The following SLC35G5 variants were observed in gnomAD, a reference collection of about 807,000 sequenced individuals.
The protein encoded by SLC35G5 is solute carrier family 35 member G5.
SLC35G5 carries 14 observed loss-of-function variants against 17.6 expected under a neutral mutation model. The ratio of observed to expected loss-of-function variants is 0.79; its 90% confidence interval spans 0.52 to 1.24. SLC35G5 has a LOEUF of 1.24. Ranked by LOEUF, SLC35G5 falls within the 50% of genes most tolerant of loss-of-function variation. SLC35G5 has a pLI of 0.00. For missense variants in SLC35G5, 541 were observed against 430.3 expected (o/e 1.26, Z -2.28); for synonymous variants, 236 against 194.9 (o/e 1.21, Z -1.76).
In SLC35G5 at chr8:11,331,782, T is replaced by C. The variant is rs1240861057; in HGVS notation, c.676T>C (p.Ser226Pro). The change falls in exon 1 of 1, where the codon TCT becomes CCT. Residue 226 changes from serine (S) to proline (P), a missense_variant. By Grantham distance (74) the Ser-to-Pro change is moderately conservative (BLOSUM62 -1). Transcript: ENST00000382435. ...CTGCCTCCCAACAGTGGCCTTCCTA[T>C]CTGGCTTGGTGGGGCTGCTGGGCTG... ...PSCLPTVAFLSGLVGLLGCVP... is the reference protein window; with the variant it reads ...PSCLPTVAFLPGLVGLLGCVP... The C allele has an allele frequency of 6.2e-7, 1 of 1,611,550 alleles. No homozygotes were observed. Among genetic ancestry groups the C allele is most frequent in the Non-Finnish European group, 8.5e-7 (1 of 1,179,696 alleles).
rs1291055276 is a variant in SLC35G5 at position 11,331,579 on chromosome 8, A to G, written c.473A>G (p.Glu158Gly). The change falls in exon 1 of 1, where the codon GAG becomes GGG. Residue 158 changes from glutamate to glycine, a missense_variant. Physicochemically the swap from Glu to Gly is moderately conservative, Grantham distance 98 (BLOSUM62 -2). Transcript: ENST00000382435. ...CLESQGLGGY[E>G]WCGLLGSILG... ...GAGAGCCAGGGTCTCGGTGGCTACG[A>G]GTGGTGTGGACTGTTGGGCAGCATC... The G allele has an allele frequency of 1.2e-6, 2 of 1,606,328 alleles. No individual in the cohort carries two copies. The highest frequency in any genetic ancestry group is 1.4e-5 in the African/African-American group (1 of 72,176).
rs762287050 is a variant in SLC35G5, at chr8:11,331,573, G to C, written c.467G>C (p.Gly156Ala). The change falls in exon 1 of 1, where the codon GGC becomes GCC. Residue 156 changes from glycine to alanine, a missense_variant. Coordinates refer to ENST00000382435, the MANE Select transcript of SLC35G5 (RefSeq NM_054028.2). Reference protein sequence around the residue: ...TLCLESQGLGGYEWCGLLGSI... With the variant: ...TLCLESQGLGAYEWCGLLGSI... ...TGCCTTGAGAGCCAGGGTCTCGGTGGCTACGAGTGGTGTGGACTGTTGGGC... is the reference window on the plus strand; with the variant it reads ...TGCCTTGAGAGCCAGGGTCTCGGTGCCTACGAGTGGTGTGGACTGTTGGGC... 12 of 1,613,764 alleles carry C rather than the reference G, an allele frequency of 7.4e-6. No individual in the cohort carries two copies. The highest frequency in any genetic ancestry group is 1.0e-5 in the Non-Finnish European group (12 of 1,179,818).
rs750787103 is a variant in SLC35G5 at position 11,331,097 on chromosome 8, C to G, written c.-10C>G. The stretch of plus-strand genomic sequence containing the variant: ...CTGAGCCAGGAGGAGAGGAGAAAGT[C>G]CAAGGAAAGATGGCTGGCAGTCACC... On this transcript the variant is annotated 5_prime_UTR_variant, in exon 1 of 1. Coordinates refer to ENST00000382435, the MANE Select transcript of SLC35G5 (RefSeq NM_054028.2). 6.3e-6 allele frequency: 10 copies of G among 1,583,048 alleles called. No homozygotes were observed. The highest frequency in any genetic ancestry group is 1.8e-4 in the Middle Eastern group (1 of 5,676).
rs540056808 is a variant in SLC35G5, at chr8:11,332,083, G to C, written c.977G>C (p.Arg326Pro). The C allele has an allele frequency of 2.5e-6, 4 of 1,611,732 alleles. No individual in the cohort carries two copies. Among genetic ancestry groups the C allele is most frequent in the Non-Finnish European group, 3.4e-6 (4 of 1,179,824 alleles). Residue 326 changes from arginine (R) to proline (P), a missense_variant, in exon 1 of 1, where the codon CGG (arginine) becomes CCG (proline). Transcript: ENST00000382435. ...VLGSIAIITA[R>P]NLSCERTGKV... ...GGCAGCATTGCCATCATTACAGCCC[G>C]GAACCTCAGCTGTGAGAGGACAGGG...
Position 11,332,057 on chromosome 8 carries a change from G to C in SLC35G5, c.951G>C (p.Leu317=). 4 of 1,611,968 alleles carry C rather than the reference G, an allele frequency of 2.5e-6. No individual in the cohort carries two copies. The highest frequency in any genetic ancestry group is 3.4e-6 in the Non-Finnish European group (4 of 1,179,834). ...LSDIMGAGVV[L]GSIAIITARN... ...ACATCATGGGGGCAGGGGTTGTGCT[G>C]GGCAGCATTGCCATCATTACAGCCC... The change falls in exon 1 of 1, where the codon CTG becomes CTC. Residue 317 remains leucine (L), a synonymous_variant. Transcript: ENST00000382435.
At position 11,331,231 on chromosome 8, in the gene SLC35G5, T is replaced by G; in HGVS notation, c.125T>G (p.Val42Gly). 1.2e-6 allele frequency: 2 copies of G among 1,613,940 alleles called. No individual in the cohort carries two copies. Among genetic ancestry groups the G allele is most frequent in the Non-Finnish European group, 1.7e-6 (2 of 1,179,990 alleles). Residue 42 changes from valine to glycine, a missense_variant, in exon 1 of 1, where the codon GTG becomes GGG. Transcript: ENST00000382435. ...QPSGATNGLL[V>G]ALLGGGLPAG... ...TCTGGTGCCACCAATGGCCTGCTGGTGGCCCTGCTGGGTGGGGGCCTGCCT... is the reference window on the plus strand; with the variant it reads ...TCTGGTGCCACCAATGGCCTGCTGGGGGCCCTGCTGGGTGGGGGCCTGCCT...
chr8:11,331,752 C>A lies in SLC35G5; in HGVS notation c.646C>A (p.Pro216Thr), dbSNP rs1442810597. The A allele has an allele frequency of 6.2e-7, 1 of 1,611,978 alleles. No individual in the cohort carries two copies. Residue 216 changes from proline to threonine, a missense_variant, in exon 1 of 1, where the codon CCC becomes ACC. By Grantham distance (38) the Pro-to-Thr change is conservative. Transcript: ENST00000382435. Reference protein sequence around the residue: ...GLLVYRSLHFPSCLPTVAFLS... With the variant: ...GLLVYRSLHFTSCLPTVAFLS... ...TCTGGTCTATCGTTCTCTGCACTTTCCCTCCTGCCTCCCAACAGTGGCCTT... is the reference window on the plus strand; with the variant it reads ...TCTGGTCTATCGTTCTCTGCACTTTACCTCCTGCCTCCCAACAGTGGCCTT...
In SLC35G5 at chr8:11,332,096, T is replaced by C. The variant is rs1314103789; in HGVS notation, c.990T>C (p.Cys330=). 1 of 1,609,980 alleles carries C rather than the reference T, an allele frequency of 6.2e-7. No homozygotes were observed. Among genetic ancestry groups the C allele is most frequent in the African/African-American group, 1.3e-5 (1 of 74,180 alleles). ...TCATTACAGCCCGGAACCTCAGCTG[T>C]GAGAGGACAGGGAAGGTGGAGGAGT... ...IAIITARNLS[C]ERTGKVEE is the part of the protein sequence containing the mutation. The change falls in exon 1 of 1, where the codon TGT becomes TGC. Residue 330 remains cysteine, a synonymous_variant. Transcript: ENST00000382435.
chr8:11,331,989 A>G lies in SLC35G5; in HGVS notation c.883A>G (p.Ile295Val), dbSNP rs752967422. The change falls in exon 1 of 1, where the codon ATA (isoleucine) becomes GTA (valine). Residue 295 changes from isoleucine to valine, a missense_variant. Coordinates refer to ENST00000382435, the MANE Select transcript of SLC35G5 (RefSeq NM_054028.2). ...GCATTCCGAGGTGGTTGTGGCCCTT[A>G]TACTGCAGTATTATATGCTCCATGA... ...VLHSEVVVALILQYYMLHETV... is the reference protein window; with the variant it reads ...VLHSEVVVALVLQYYMLHETV... 13 of 1,611,818 alleles carry G rather than the reference A, an allele frequency of 8.1e-6. No individual in the cohort carries two copies. The highest frequency in any genetic ancestry group is 1.0e-5 in the Non-Finnish European group (12 of 1,179,818).
rs1210051916 is a variant in SLC35G5, at chr8:11,331,237, T to G, written c.131T>G (p.Leu44Arg). The change falls in exon 1 of 1, where the codon CTG becomes CGG. Residue 44 changes from leucine to arginine, a missense_variant. By Grantham distance (102) the Leu-to-Arg change is moderately radical (BLOSUM62 -2). Transcript: ENST00000382435. ...SGATNGLLVA[L>R]LGGGLPAGFV... ...GCCACCAATGGCCTGCTGGTGGCCC[T>G]GCTGGGTGGGGGCCTGCCTGCTGGC... is the stretch of plus-strand genomic sequence containing the variant. 6.2e-7 allele frequency: 1 copy of G among 1,613,862 alleles called. No homozygotes were observed. The highest frequency in any genetic ancestry group is 1.7e-5 in the Admixed American group (1 of 60,020).
Position 11,331,404 on chromosome 8 carries a change from A to T in SLC35G5, c.298A>T (p.Ile100Phe). 6.2e-7 allele frequency: 1 copy of T among 1,613,896 alleles called. No homozygotes were observed. Residue 100 changes from isoleucine (I) to phenylalanine (F), a missense_variant, in exon 1 of 1, where the codon ATC becomes TTC. Transcript: ENST00000382435. ...CGACCCCCTTCTGGGACCTCCTGAC[A>T]TCCGAGGCTGGGCCTGCTTCTGTGC... ...RGDPLLGPPDIRGWACFCALL... is the reference protein window; with the variant it reads ...RGDPLLGPPDFRGWACFCALL...
Position 11,332,236 on chromosome 8 carries a change from G to C in SLC35G5, c.*113G>C, listed in dbSNP as rs1236273065. The C allele has an allele frequency of 6.2e-6, 9 of 1,462,214 alleles. No homozygotes were observed. The highest frequency in any genetic ancestry group is 1.4e-5 in the African/African-American group (1 of 69,638). The allele number at this position is 1,462,214 out of a possible 1,614,324, so 90.6% of individuals were successfully genotyped here. A position where few individuals can be genotyped will look rare whatever the true frequency, so the allele number is the denominator to read the frequency against. ...TAATTATAATAAATCCTAGGAAAGA[G>C]TGAAAGTCTAACTTCCATAGCACAT... On this transcript the variant is annotated 3_prime_UTR_variant, in exon 1 of 1. Transcript: ENST00000382435.
At position 11,332,348 on chromosome 8, in the gene SLC35G5, T is replaced by A; in HGVS notation, c.*225T>A. ...TCTGGCTTATTTACAGGAATAAAATTAATTGAACTATCCTTAAGGAATCCC... is the reference window on the plus strand; with the variant it reads ...TCTGGCTTATTTACAGGAATAAAATAAATTGAACTATCCTTAAGGAATCCC... On this transcript the variant is annotated 3_prime_UTR_variant, in exon 1 of 1. Transcript: ENST00000382435. The A allele has an allele frequency of 1.3e-6, 1 of 798,986 alleles. No homozygotes were observed. Among genetic ancestry groups the A allele is most frequent in the Non-Finnish European group, 1.8e-6 (1 of 563,346 alleles). 49.5% of individuals were successfully genotyped at this position (798,986 alleles called of 1,614,324 possible). A position where few individuals can be genotyped will look rare whatever the true frequency, so the allele number is the denominator to read the frequency against.
At position 11,331,181 on chromosome 8, in the gene SLC35G5, C is replaced by T. The variant is rs2092203360; in HGVS notation, c.75C>T (p.Leu25=). The part of the protein sequence containing the change: ...HPSPPSAPPS[L]RWHQRCQPSG... ...CGCCGCCCTCCGCTCCACCCAGCCT[C>T]CGCTGGCACCAGCGCTGCCAGCCCT... Residue 25 remains leucine, a synonymous_variant, in exon 1 of 1, where the codon CTC becomes CTT. Coordinates refer to ENST00000382435, the MANE Select transcript of SLC35G5 (RefSeq NM_054028.2). 1.2e-6 allele frequency: 2 copies of T among 1,613,566 alleles called. No homozygotes were observed. The highest frequency in any genetic ancestry group is 2.2e-5 in the East Asian group (1 of 44,860).
chr8:11,331,672 C>T lies in SLC35G5; in HGVS notation c.566C>T (p.Thr189Ile), dbSNP rs1403009748. 6.2e-7 allele frequency: 1 copy of T among 1,612,140 alleles called. No homozygotes were observed. The highest frequency in any genetic ancestry group is 8.5e-7 in the Non-Finnish European group (1 of 1,179,860). The part of the protein sequence containing the change: ...TLQEGTTGVY[T>I]TLGYVQAFLG... ...CAGGAGGGGACCACAGGTGTCTACA[C>T]CACCCTGGGCTATGTGCAGGCTTTC... Residue 189 changes from threonine to isoleucine, a missense_variant, in exon 1 of 1, where the codon ACC becomes ATC. Transcript: ENST00000382435.
In SLC35G5 at chr8:11,332,333, T is replaced by G. The variant is rs1801270397; in HGVS notation, c.*210T>G. 1 of 890,864 alleles carries G rather than the reference T, an allele frequency of 1.1e-6. No individual in the cohort carries two copies. The highest frequency in any genetic ancestry group is 1.6e-6 in the Non-Finnish European group (1 of 641,958). 55.2% of individuals were successfully genotyped at this position (890,864 alleles called of 1,614,324 possible). A position where few individuals can be genotyped will look rare whatever the true frequency, so the allele number is the denominator to read the frequency against. On this transcript the variant is annotated 3_prime_UTR_variant, in exon 1 of 1. Coordinates refer to ENST00000382435, the MANE Select transcript of SLC35G5 (RefSeq NM_054028.2). ...CAAACAAATGAGAAATCTGGCTTAT[T>G]TACAGGAATAAAATTAATTGAACTA...
chr8:11,331,172 A>T lies in SLC35G5; in HGVS notation c.66A>T (p.Pro22=). The change falls in exon 1 of 1, where the codon CCA becomes CCT. Residue 22 remains proline (P), a synonymous_variant. Coordinates refer to ENST00000382435, the MANE Select transcript of SLC35G5 (RefSeq NM_054028.2). Reference sequence around the variant, plus strand: ...CACACCCATCGCCGCCCTCCGCTCCACCCAGCCTCCGCTGGCACCAGCGCT... The same window carrying T: ...CACACCCATCGCCGCCCTCCGCTCCTCCCAGCCTCCGCTGGCACCAGCGCT... The part of the protein sequence containing the change: ...DSTHPSPPSA[P]PSLRWHQRCQ... 1 of 1,613,356 alleles carries T rather than the reference A, an allele frequency of 6.2e-7. No homozygotes were observed. The highest frequency in any genetic ancestry group is 8.5e-7 in the Non-Finnish European group (1 of 1,179,664).
At position 11,331,443 on chromosome 8, in the gene SLC35G5, C is replaced by G. The variant is rs142526826; in HGVS notation, c.337C>G (p.Leu113Val). The G allele has an allele frequency of 5.0e-6, 8 of 1,614,042 alleles. No individual in the cohort carries two copies. In the East Asian group the frequency reaches 1.8e-4, roughly 36 times the overall value. ...WACFCALLNV[L>V]SIGCAYSAVQ... ...CTGCTTCTGTGCCCTGCTCAACGTC[C>G]TCAGCATTGGATGTGCCTACAGTGC... The change falls in exon 1 of 1, where the codon CTC (leucine) becomes GTC (valine). Residue 113 changes from leucine (L) to valine (V), a missense_variant. By Grantham distance (32) the Leu-to-Val change is conservative. Transcript: ENST00000382435.
chr8:11,331,778 C>A lies in SLC35G5; in HGVS notation c.672C>A (p.Phe224Leu), dbSNP rs142479157. 2.4e-4 allele frequency: 389 copies of A among 1,611,742 alleles called. 2 individuals carry two copies. In the African/African-American group the frequency reaches 2.7e-3, roughly 11 times the overall value. ...CCTCCTGCCTCCCAACAGTGGCCTTCCTATCTGGCTTGGTGGGGCTGCTGG... is the reference window on the plus strand; with the variant it reads ...CCTCCTGCCTCCCAACAGTGGCCTTACTATCTGGCTTGGTGGGGCTGCTGG... ...HFPSCLPTVA[F>L]LSGLVGLLGC... Residue 224 changes from phenylalanine to leucine, a missense_variant, in exon 1 of 1, where the codon TTC becomes TTA. Coordinates refer to ENST00000382435, the MANE Select transcript of SLC35G5 (RefSeq NM_054028.2).
Sources: allele counts gnomAD v4.1 joint callset, GRCh38; gene constraint gnomAD v4.1.1; transcripts MANE v1.5; gene names NCBI Gene and HGNC (gene_info 2026-07-23, HGNC 2026-07-21).